CDH13: variants seen among roughly 807,000 people sequenced by gnomAD.
The protein encoded by CDH13 is cadherin-13.
CDH13 carries 24 observed loss-of-function variants against 63.8 expected under a neutral mutation model. The ratio of observed to expected loss-of-function variants is 0.38; its 90% CI spans 0.27 to 0.53. The LOEUF (loss-of-function observed/expected upper bound fraction) is 0.53, where lower values mean the gene tolerates loss of function less well. Ranked by LOEUF, CDH13 falls within the 20% of genes least tolerant of loss-of-function variation. CDH13 has a pLI of 0.85. For missense variants in CDH13, 1,049 were observed against 903.1 expected (o/e 1.16, Z -2.07); for synonymous variants, 503 against 355.3 (o/e 1.42, Z -4.67).
At chr16:83,518,574 G>A (rs1171114878) in intron 7 of CDH13, among the ~76,000 whole-genome samples, 2 of 151,118 alleles carry the variant, frequency 1.3e-5, no homozygotes, top group Admixed American at 6.6e-5. Flanking sequence ...CCGGGTTCAC[G>A]GCATTCTCCT....
intron 2 of CDH13, among the ~76,000 whole-genome samples, chr16:82,950,777 T>C (rs1905209787): frequency 6.6e-6 from 1 of 151,376 alleles, no homozygotes; most frequent in African/African-American, 2.4e-5. Flanking sequence ...TATCTCCAAA[T>C]AAAGTCACTG....
chr16:83,583,355 C>T (rs1905817569), intron 7 of CDH13, among the ~76,000 whole-genome samples: 2 of 152,226 alleles, frequency 1.3e-5, no homozygotes, highest in South Asian at 4.1e-4. Flanking sequence ...CCATTCAACA[C>T]ATACAAGCCC....
chr16:83,771,811 A>G (rs1914778196), intron 11 of CDH13, among the ~76,000 whole-genome samples: 2 of 152,332 alleles, frequency 1.3e-5, no homozygotes, highest in South Asian at 4.1e-4. Flanking sequence ...ATCTGTGCCT[A>G]CAAGTCCTCA....
chr16:83,781,432 G>A (rs1020073871), intron 12 of CDH13, among the ~76,000 whole-genome samples: 6 of 152,194 alleles, frequency 3.9e-5, no homozygotes, highest in African/African-American at 1.4e-4. Context: ...ACTTTTGAGG[G>A]AGACAGAGAA....
intron 6 of CDH13, chr16:83,396,734 A>G (rs1390275813): frequency 7.2e-6 from 1 of 139,838 alleles, no homozygotes; most frequent in Non-Finnish European, 1.5e-5. Context: ...TGGGGCTGCA[A>G]GGATATGAGA....
chr16:83,531,939 C>T (rs2075092638), intron 7 of CDH13, among the ~76,000 whole-genome samples: 1 of 152,172 alleles, frequency 6.6e-6, no homozygotes, highest in Non-Finnish European at 1.5e-5. Context: ...ACTCAAATCT[C>T]ATCTTTAATT....
intron 1 of CDH13, among the ~76,000 whole-genome samples, chr16:82,638,854 C>G (rs1909030984): frequency 1.4e-5 from 1 of 70,794 alleles, no homozygotes; most frequent in African/African-American, 4.3e-5. Flanking sequence ...ATGCACGCAC[C>G]AGTGCCATGA....
In CDH13 at chr16:82,962,415, T is replaced by A. The variant is rs1307548322; in HGVS notation, c.158-69595T>A. Among the ~76,000 whole-genome samples the A allele has an allele frequency of 3.3e-5, 5 of 152,274 alleles. No individual in the cohort carries two copies. The East Asian group carries it at 7.7e-4, about 23-fold the overall frequency. On this transcript the variant is annotated intron_variant, in intron 2 of 13. Coordinates refer to ENST00000567109, the MANE Select transcript of CDH13 (RefSeq NM_001257.5). Reference sequence around the variant, plus strand: ...GCCTCCAGAGGTATGAGAGAATAAATCCCTATTGTTTTTTTGCCACAAGGT... The same window carrying A: ...GCCTCCAGAGGTATGAGAGAATAAAACCCTATTGTTTTTTTGCCACAAGGT...
At chr16:82,884,949 A>C (rs2040831508) in intron 2 of CDH13, among the ~76,000 whole-genome samples, 1 of 152,198 alleles carries the variant, frequency 6.6e-6, no homozygotes, top group South Asian at 2.1e-4. Flanking sequence ...TTTTGGGGAG[A>C]AAATCCCATT....
chr16:83,409,432 C>G (rs1014430706), intron 6 of CDH13, among the ~76,000 whole-genome samples: 3 of 152,096 alleles, frequency 2.0e-5, no homozygotes, highest in African/African-American at 7.2e-5. Context: ...GGAGTAAGAC[C>G]CGGGGCTATG....
At chr16:83,202,593 C>G (rs1044042398) in intron 4 of CDH13, among the ~76,000 whole-genome samples, 1 of 152,114 alleles carries the variant, frequency 6.6e-6, no homozygotes, top group African/African-American at 2.4e-5. Context: ...ATTTTTGATA[C>G]TATTTACATT....
At chr16:83,590,762 T>C (rs1047465714) in intron 7 of CDH13, among the ~76,000 whole-genome samples, 8 of 152,148 alleles carry the variant, frequency 5.3e-5, no homozygotes, top group Non-Finnish European at 8.8e-5. Context: ...CTAACCGAAG[T>C]GTGCCCCTAA....
At chr16:83,150,909 A>G (rs16959524) in intron 4 of CDH13, among the ~76,000 whole-genome samples, 8,398 of 152,234 alleles carry the variant, frequency 0.055, 760 homozygotes, top group African/African-American at 0.19. Flanking sequence ...TTAGATGTGT[A>G]TAGCAATCTT....
At chr16:83,628,252 T>C (rs780476178) in intron 8 of CDH13, among the ~76,000 whole-genome samples, 18 of 152,092 alleles carry the variant, frequency 1.2e-4, no homozygotes, top group Non-Finnish European at 2.6e-4. Context: ...CAAACGCCTC[T>C]GACACTACCA....
intron 3 of CDH13, among the ~76,000 whole-genome samples, chr16:83,054,907 C>T (rs528468177): frequency 3.9e-5 from 6 of 152,160 alleles, no homozygotes; most frequent in East Asian, 3.9e-4. Context: ...GCAGTGTTCA[C>T]GTGGAATACT....
chr16:82,747,760 C>T (rs150132404), intron 1 of CDH13, among the ~76,000 whole-genome samples: 4 of 152,118 alleles, frequency 2.6e-5, no homozygotes, highest in African/African-American at 9.7e-5. Flanking sequence ...CTGCATAATG[C>T]GAATGTTGTG....
chr16:83,726,777 G>C (rs1401420298), intron 10 of CDH13, among the ~76,000 whole-genome samples: 2 of 151,896 alleles, frequency 1.3e-5, no homozygotes, highest in East Asian at 1.9e-4. Flanking sequence ...GGCGGAGCTT[G>C]TAGTGAGCGG....
chr16:82,719,251 T>C (rs1221431355), intron 1 of CDH13: 1 of 384,530 alleles, frequency 2.6e-6, no homozygotes, highest in African/African-American at 2.1e-5. Context: ...ATCACTGCCA[T>C]TGGCCTGTAA....
At chr16:83,227,928 A>G (rs1365374283) in intron 5 of CDH13, among the ~76,000 whole-genome samples, 2 of 152,146 alleles carry the variant, frequency 1.3e-5, no homozygotes, top group Non-Finnish European at 2.9e-5. Flanking sequence ...TCCCTGCTTC[A>G]TGGAGCTCTG....
Sources: gnomAD v4.1 joint callset for allele counts (sites outside exome capture counted in the v4.1 genomes callset) on GRCh38, gnomAD v4.1.1 for gene constraint, MANE v1.5 for transcripts, NCBI Gene and HGNC (gene_info 2026-07-23, HGNC 2026-07-21) for gene names.